Variants in CNTN5 observed in about 807,000 individuals in gnomAD.
The protein encoded by CNTN5 is contactin-5.
In CNTN5, 77 loss-of-function variants were observed where a neutral mutation model predicts 129.1. That is an observed-to-expected ratio of 0.60 (90% CI 0.50 to 0.72). The LOEUF is 0.72. Among genes scored for constraint, CNTN5 ranks in the 30% least tolerant of loss-of-function variants. The probability of loss-of-function intolerance (pLI) is 0.00; values close to 1 mark genes in which losing one functional copy is unlikely to be tolerated. For synonymous variants in CNTN5, 509 were observed against 465.6 expected (o/e 1.09, Z -1.20); for missense variants, 1,478 against 1,328.8 (o/e 1.11, Z -1.75).
At chr11:99,147,386 TAAGAG>T (rs1252141708) in intron 1 of CNTN5, among the ~76,000 whole-genome samples, 1 of 152,136 alleles carries the variant, frequency 6.6e-6, no homozygotes, top group Non-Finnish European at 1.5e-5. Flanking sequence ...GTGGTGTCAT[TAAGAG>T]AAAAGAAAGA....
chr11:99,385,030 A>G (rs543733369), intron 2 of CNTN5, among the ~76,000 whole-genome samples: 20 of 152,328 alleles, frequency 1.3e-4, no homozygotes, highest in African/African-American at 4.6e-4. Context: ...TTGGGCAGAT[A>G]ATAAATGTTT....
At chr11:99,943,985 T>A (rs756743599) in intron 7 of CNTN5, among the ~76,000 whole-genome samples, 4 of 152,158 alleles carry the variant, frequency 2.6e-5, no homozygotes, top group African/African-American at 4.8e-5. Flanking sequence ...CCAGCTTTGT[T>A]GTTTTTGCTT....
intron 6 of CNTN5, among the ~76,000 whole-genome samples, chr11:99,862,292 C>G (rs1216250507): frequency 6.6e-6 from 1 of 152,126 alleles, no homozygotes; most frequent in Non-Finnish European, 1.5e-5. Context: ...GAACTTGAAA[C>G]TTTGTCCTTG....
rs891375357 is a variant in CNTN5, at chr11:99,535,772, C to G, written c.-70-20373C>G. 2.0e-5 allele frequency among the ~76,000 whole-genome samples: 3 copies of G among 152,168 alleles called. No homozygotes were observed. The East Asian group carries it at 5.8e-4, about 29-fold the overall frequency. On this transcript the variant is annotated intron_variant, in intron 2 of 24. Transcript: ENST00000524871. Reference sequence around the variant, plus strand: ...AATGATGCTTTCTCTTTGTCTCTGGCTTTGTCTAGGTTATGTTCAGTTTTT... The same window carrying G: ...AATGATGCTTTCTCTTTGTCTCTGGGTTTGTCTAGGTTATGTTCAGTTTTT...
chr11:99,880,463 A>G lies in CNTN5; in HGVS notation c.577+35201A>G, dbSNP rs753405063. Among the ~76,000 whole-genome samples the G allele has an allele frequency of 9.2e-5, 14 of 152,204 alleles. 1 individual carries two copies. Among genetic ancestry groups the G allele is most frequent in the Non-Finnish European group, 1.5e-4 (10 of 68,018 alleles). ...TTTCACTCGTGGTTAATGAAATAGAACAAAACAGGACTGGCACTGTAAATG... is the reference window on the plus strand; with the variant it reads ...TTTCACTCGTGGTTAATGAAATAGAGCAAAACAGGACTGGCACTGTAAATG... On this transcript the variant is annotated intron_variant, in intron 6 of 24. Coordinates refer to ENST00000524871, the MANE Select transcript of CNTN5 (RefSeq NM_014361.4).
At chr11:99,509,896 G>A (rs1272630737) in intron 2 of CNTN5, among the ~76,000 whole-genome samples, 1 of 151,680 alleles carries the variant, frequency 6.6e-6, no homozygotes, top group Admixed American at 6.6e-5. Context: ...CTGCACAGGA[G>A]GTAAACACAC....
intron 2 of CNTN5, among the ~76,000 whole-genome samples, chr11:99,465,555 G>T (rs1944897851): frequency 6.6e-6 from 1 of 151,760 alleles, no homozygotes. Context: ...TGTGTTCAGT[G>T]CTACACACCA....
intron 1 of CNTN5, among the ~76,000 whole-genome samples, chr11:99,177,582 T>C (rs1003000408): frequency 1.3e-5 from 2 of 152,252 alleles, no homozygotes; most frequent in Non-Finnish European, 1.5e-5. Context: ...TGCATGTCTA[T>C]GGTTCATCGA....
intron 9 of CNTN5, among the ~76,000 whole-genome samples, chr11:100,024,899 G>C (rs1317217131): frequency 1.3e-5 from 2 of 152,228 alleles, no homozygotes; most frequent in Non-Finnish European, 2.9e-5. Flanking sequence ...AAGGGAAACA[G>C]AACCTAAAAG....
chr11:99,326,256 T>G (rs1263661005), intron 2 of CNTN5, among the ~76,000 whole-genome samples: 7 of 152,230 alleles, frequency 4.6e-5, no homozygotes, highest in Non-Finnish European at 1.0e-4. Flanking sequence ...GATGTACTTT[T>G]TAGATAATCA....
intron 4 of CNTN5, among the ~76,000 whole-genome samples, chr11:99,836,186 C>T (rs377474797): frequency 0.044 from 6,439 of 147,834 alleles, 162 homozygotes; most frequent in South Asian, 0.094. Flanking sequence ...GGTACATGTG[C>T]GCAACGTGCA....
chr11:99,965,666 T>C (rs1011520202), intron 8 of CNTN5, among the ~76,000 whole-genome samples: 1 of 152,152 alleles, frequency 6.6e-6, no homozygotes, highest in African/African-American at 2.4e-5. Flanking sequence ...TCTGTAGATG[T>C]CTATTAGGTC....
At chr11:99,847,060 C>T (rs1447791598) in intron 6 of CNTN5, among the ~76,000 whole-genome samples, 2 of 152,136 alleles carry the variant, frequency 1.3e-5, no homozygotes, top group African/African-American at 2.4e-5. Flanking sequence ...AAGATAGATG[C>T]AGAATATCAA....
At chr11:99,081,012 T>C (rs1187998207) in intron 1 of CNTN5, among the ~76,000 whole-genome samples, 3 of 132,982 alleles carry the variant, frequency 2.3e-5, no homozygotes, top group African/African-American at 8.5e-5. Flanking sequence ...GAAGAACATA[T>C]ACCCTGTTGT....
At chr11:99,102,631 G>T (rs1020249608) in intron 1 of CNTN5, among the ~76,000 whole-genome samples, 2 of 152,098 alleles carry the variant, frequency 1.3e-5, no homozygotes, top group Admixed American at 1.3e-4. Context: ...CGTTACTCCA[G>T]TTCCCAACAA....
At chr11:99,155,180 G>A (rs1370218979) in intron 1 of CNTN5, among the ~76,000 whole-genome samples, 2 of 152,146 alleles carry the variant, frequency 1.3e-5, no homozygotes, top group African/African-American at 4.8e-5. Context: ...GCCTTGTGCA[G>A]GATACCCAGC....
intron 3 of CNTN5, among the ~76,000 whole-genome samples, chr11:99,667,288 C>T (rs999434094): frequency 7.9e-5 from 9 of 113,610 alleles, no homozygotes; most frequent in Non-Finnish European, 1.4e-4. Flanking sequence ...TGTTTTCATT[C>T]TAAAGCAATT....
At chr11:100,029,172 AC>A (rs1373912705) in intron 9 of CNTN5, among the ~76,000 whole-genome samples, 1 of 152,180 alleles carries the variant, frequency 6.6e-6, no homozygotes, top group Non-Finnish European at 1.5e-5. Context: ...AAATGACAAA[AC>A]AAAACAACTT....
At chr11:99,829,736 T>C (rs1038738550) in intron 4 of CNTN5, among the ~76,000 whole-genome samples, 4 of 152,196 alleles carry the variant, frequency 2.6e-5, no homozygotes, top group African/African-American at 9.7e-5. Context: ...CTAAAGTAGT[T>C]ATTTGAGTAC....
Sources: gnomAD v4.1 joint callset for allele counts (sites outside exome capture counted in the v4.1 genomes callset) on GRCh38, gnomAD v4.1.1 for gene constraint, MANE v1.5 for transcripts, NCBI Gene and HGNC (gene_info 2026-07-23, HGNC 2026-07-21) for gene names.